STRA6: variants seen among roughly 807,000 people sequenced by gnomAD.
STRA6 encodes signaling receptor and transporter of retinol STRA6, also known as receptor for retinol uptake STRA6.
Under a neutral mutation model 83.6 loss-of-function variants are expected in STRA6, and 48 were observed. The observed-to-expected ratio is 0.57, with a 90% CI of 0.46 to 0.73. The LOEUF is 0.73. Ranked by LOEUF, STRA6 falls within the 30% of genes least tolerant of loss-of-function variation. The pLI is 0.00. For missense variants in STRA6, 760 were observed against 838.8 expected (o/e 0.91, Z 1.16); for synonymous variants, 353 against 362.3 (o/e 0.97, Z 0.29).
chr15:74,212,120 G>A (rs141876621), upstream of STRA6: 905 of 152,950 alleles, frequency 5.9e-3, 10 homozygotes, highest in African/African-American at 0.021. Flanking sequence ...CCTCTTTCCC[G>A]CCTTACCTGC....
intron 7 of STRA6, chr15:74,194,762 G>A (rs920958179): frequency 3.2e-6 from 4 of 1,264,888 alleles, no homozygotes; most frequent in South Asian, 3.5e-5. Context: ...TGAATGAAGT[G>A]GTGAAGCTGG....
chr15:74,184,875 G>C (rs351238), intron 13 of STRA6, 105 bp downstream of exon 13: 2 of 1,177,700 alleles, frequency 1.7e-6, no homozygotes, highest in Non-Finnish European at 2.5e-6. Context: ...AGCCCGGGCC[G>C]GCAGAGCCCT....
chr15:74,180,238 G>A lies in STRA6; in HGVS notation c.1846C>T (p.Gln616Ter). ...ATGGAGTCCTTTGTCTGTAGCAGCT[G>A]CATCCCTGAGAGAGACGGACTTTCT... ...LRPGEEDEGM[Q>*]LLQTKDSMAK... The change falls in exon 19 of 19, where the codon CAG becomes TAG. Residue 616 changes from glutamine to a stop codon, truncating the protein, a stop_gained. Coordinates refer to ENST00000395105, the MANE Select transcript of STRA6 (RefSeq NM_022369.4). LOFTEE classifies it low-confidence loss of function (END_TRUNC). 1.2e-6 allele frequency: 2 copies of A among 1,614,104 alleles called. No homozygotes were observed. Among genetic ancestry groups the A allele is most frequent in the South Asian group, 1.1e-5 (1 of 91,074 alleles).
In STRA6 at chr15:74,188,443, G is replaced by A. The variant is rs1443924590; in HGVS notation, c.1090+672C>T. 6.6e-6 allele frequency among the ~76,000 whole-genome samples: 1 copy of A among 152,250 alleles called. No homozygotes were observed. ...GGAGAAGGCCCCCGCCTAGGCTTCA[G>A]GAGCCCTGCGTTCTCTTGGCTGCAC... On this transcript the variant is annotated intron_variant, in intron 12 of 18. Coordinates refer to ENST00000395105, the MANE Select transcript of STRA6 (RefSeq NM_022369.4). This position sits in a 1 kb window ranked among gnomAD's most constrained non-coding sequence, Gnocchi z 4.5.
At chr15:74,189,727 G>C (rs1217586580) in intron 11 of STRA6, among the ~76,000 whole-genome samples, 1 of 149,884 alleles carries the variant, frequency 6.7e-6, no homozygotes, top group Admixed American at 6.7e-5. Flanking sequence ...GCAGTGGCGC[G>C]ATCTCGGCTC....
intron 12 of STRA6, among the ~76,000 whole-genome samples, chr15:74,187,548 T>C (rs1345297145): frequency 6.6e-6 from 1 of 151,926 alleles, no homozygotes; most frequent in Non-Finnish European, 1.5e-5. Context: ...TCTCTGTGAG[T>C]GATGCCAGGC....
At position 74,184,914 on chromosome 15, in the gene STRA6, G is replaced by A. The variant is rs750694694; in HGVS notation, c.1166+66C>T. 2.3e-4 allele frequency: 351 copies of A among 1,528,704 alleles called. 1 individual carries two copies. The highest frequency in any genetic ancestry group is 3.2e-4 in the Admixed American group (18 of 56,690). 94.7% of individuals were successfully genotyped at this position (1,528,704 alleles called of 1,614,324 possible). On this transcript the variant is annotated intron_variant, in intron 13 of 18. Transcript: ENST00000395105. ...CTCCCTCCAGGCCCAGGGCCTCCCC[G>A]CAGGCCCACAGGACTCCCACTCCTT... is the stretch of plus-strand genomic sequence containing the variant.
upstream of STRA6, chr15:74,209,392 C>T (rs765756437): frequency 6.5e-7 from 1 of 1,535,634 alleles, no homozygotes; most frequent in South Asian, 1.2e-5. Context: ...TCCCAGGGGG[C>T]CACTGCCTGA....
chr15:74,196,303 G>A, intron 4 of STRA6, 156 bp from the exon 5 acceptor site: 4 of 1,209,798 alleles, frequency 3.3e-6, no homozygotes, highest in South Asian at 1.4e-5. Context: ...ATAGATATTT[G>A]TGGAGTGCCT....
intron 14 of STRA6, 37 bp downstream of exon 14, chr15:74,183,819 A>C (rs200712391): frequency 6.2e-7 from 1 of 1,613,566 alleles, no homozygotes; most frequent in African/African-American, 1.3e-5. Context: ...GGGGAGGCCC[A>C]GGCCAAGGCT....
chr15:74,195,983 C>T (rs956884967), intron 5 of STRA6, 25 bp downstream of exon 5: 2 of 1,613,432 alleles, frequency 1.2e-6, no homozygotes, highest in African/African-American at 2.7e-5. Context: ...CACACCAACC[C>T]CAGGGCCTGG....
At position 74,185,062 on chromosome 15, in the gene STRA6, G is replaced by A; in HGVS notation, c.1091-7C>T. 1.2e-6 allele frequency: 2 copies of A among 1,613,718 alleles called. No individual in the cohort carries two copies. The highest frequency in any genetic ancestry group is 8.5e-7 in the Non-Finnish European group (1 of 1,179,812). ...AAGGCTGAGATGTAGCACACTGGTG[G>A]GCAGAGAATGAGCAAAGTGAGAGGT... is the stretch of plus-strand genomic sequence containing the variant. On this transcript the variant is annotated splice_polypyrimidine_tract_variant and splice_region_variant and intron_variant, in intron 12 of 18. Transcript: ENST00000395105.
chr15:74,205,058 G>GATGT (rs1265181786), upstream of STRA6, among the ~76,000 whole-genome samples: 1 of 152,218 alleles, frequency 6.6e-6, no homozygotes, highest in Non-Finnish European at 1.5e-5. Context: ...AATGGAACCT[G>GATGT]ATGTATGGTA....
At chr15:74,197,932 C>T (rs182289453) in intron 2 of STRA6, 114 bp from the exon 3 acceptor site, 28 of 1,079,430 alleles carry the variant, frequency 2.6e-5, no homozygotes, top group Non-Finnish European at 3.8e-5. Flanking sequence ...CTCCCTCAAC[C>T]CTCTGATCCC....
chr15:74,196,013 C>T lies in STRA6; in HGVS notation c.401G>A (p.Ser134Asn), dbSNP rs934885611. Residue 134 changes from serine to asparagine, a missense_variant, in exon 5 of 19, where the codon AGC becomes AAC. Ser to Asn is a conservative substitution (Grantham distance 46). Transcript: ENST00000395105. ...GCCTGGGGGTCAGTGGGTACCTTGGCTGGGTGCTGAGGCGAGAGTCAGGAA... is the reference window on the plus strand; with the variant it reads ...GCCTGGGGGTCAGTGGGTACCTTGGTTGGGTGCTGAGGCGAGAGTCAGGAA... ...LPFLTLASAP[S>N]QDGKTEAPRG... The T allele has an allele frequency of 1.2e-6, 2 of 1,613,942 alleles. No individual in the cohort carries two copies. The highest frequency in any genetic ancestry group is 2.2e-5 in the South Asian group (2 of 91,066).
chr15:74,185,153 C>T, intron 12 of STRA6, 98 bp from the exon 13 acceptor site: 1 of 1,205,824 alleles, frequency 8.3e-7, no homozygotes, highest in Non-Finnish European at 1.2e-6. Flanking sequence ...TGGGGAGTTC[C>T]CCCTGCCCCA....
At position 74,197,747 on chromosome 15, in the gene STRA6, C is replaced by A. The variant is rs2073886243; in HGVS notation, c.180+5G>T. 3 of 1,613,150 alleles carry A rather than the reference C, an allele frequency of 1.9e-6. No homozygotes were observed. The South Asian group carries it at 3.3e-5, about 18-fold the overall frequency. ...CAAGCCAGGTTCAACTTGGGTTGGACTCACTGACAGCGAGGCCAGGCAGGC... is the reference window on the plus strand; with the variant it reads ...CAAGCCAGGTTCAACTTGGGTTGGAATCACTGACAGCGAGGCCAGGCAGGC... On this transcript the variant is annotated splice_donor_5th_base_variant and intron_variant, in intron 3 of 18. Transcript: ENST00000395105.
At chr15:74,195,843 T>C (rs1276430008) in intron 5 of STRA6, among the ~76,000 whole-genome samples, 165 bp downstream of exon 5, 1 of 152,160 alleles carries the variant, frequency 6.6e-6, no homozygotes, top group Non-Finnish European at 1.5e-5. Flanking sequence ...GTAGCATCGT[T>C]GTAAAGACTG....
At chr15:74,180,972 G>A (rs1420021130) in intron 17 of STRA6, 35 bp from the exon 18 acceptor site, 4 of 1,611,780 alleles carry the variant, frequency 2.5e-6, no homozygotes, top group African/African-American at 1.3e-5. Flanking sequence ...TGCTGGGGGA[G>A]CAGGGGCCAC....
Sources: gnomAD v4.1 joint callset for allele counts (sites outside exome capture counted in the v4.1 genomes callset) on GRCh38, gnomAD v4.1.1 for gene constraint, Gnocchi (gnomAD v3.1) non-coding constraint, MANE v1.5 for transcripts, NCBI Gene and HGNC (gene_info 2026-07-23, HGNC 2026-07-21) for gene names.